The following OLFM3 variants were observed in gnomAD, a reference collection of about 807,000 sequenced individuals.
OLFM3 encodes the protein olfactomedin 3, also known as noelin-3.
In OLFM3, 20 loss-of-function variants were observed where a neutral mutation model predicts 48.6. The ratio of observed to expected loss-of-function variants is 0.41; its 90% CI spans 0.29 to 0.60. The LOEUF (loss-of-function observed/expected upper bound fraction) is 0.60, where lower values mean the gene tolerates loss of function less well. OLFM3 is among the 20% of genes least tolerant of loss of function. The pLI, the probability that OLFM3 is intolerant of heterozygous loss-of-function variation, is 0.28. For synonymous variants in OLFM3, 222 were observed against 198.1 expected, an observed-to-expected ratio of 1.12 and a Z score of -1.01; for missense variants, 437 against 544.3, an observed-to-expected ratio of 0.80 and a Z score of 1.96.
chr1:101,967,102 T>C (rs1342668177), intron 1 of OLFM3, among the ~76,000 whole-genome samples: 1 of 152,208 alleles, frequency 6.6e-6, no homozygotes, highest in East Asian at 1.9e-4. Context: ...CCTTCACCTT[T>C]TTATCTTTTA....
chr1:101,892,376 T>G (rs1365063280), intron 1 of OLFM3, among the ~76,000 whole-genome samples: 2 of 150,238 alleles, frequency 1.3e-5, no homozygotes, highest in African/African-American at 4.9e-5. Flanking sequence ...ATACAAAGAC[T>G]TCATCTATAG....
intron 1 of OLFM3, among the ~76,000 whole-genome samples, chr1:101,947,676 G>T (rs898260841): frequency 6.6e-6 from 1 of 152,060 alleles, no homozygotes; most frequent in African/African-American, 2.4e-5. Context: ...AGTGTTGCAG[G>T]TATAGAAATG....
chr1:101,862,986 GTAAT>G (rs1656714103), intron 1 of OLFM3, among the ~76,000 whole-genome samples: 1 of 143,636 alleles, frequency 7.0e-6, no homozygotes, highest in African/African-American at 2.6e-5. Flanking sequence ...TAAATCCTAT[GTAAT>G]TAGTTTTTTT....
chr1:101,980,691 C>T (rs1457610806), intron 1 of OLFM3, among the ~76,000 whole-genome samples: 1 of 152,108 alleles, frequency 6.6e-6, no homozygotes. Context: ...ACACAACCAC[C>T]TAGGGTAAAT....
At chr1:101,892,055 G>C (rs12082395) in intron 1 of OLFM3, among the ~76,000 whole-genome samples, 2,588 of 152,074 alleles carry the variant, frequency 0.017, 62 homozygotes, top group African/African-American at 0.06. Context: ...TATAAAGCTT[G>C]AAGTTCTTTA....
At position 101,970,589 on chromosome 1, in the gene OLFM3, G is replaced by A. The variant is rs542604906; in HGVS notation, c.69+26159C>T. On this transcript the variant is annotated intron_variant, in intron 1 of 5. Transcript: ENST00000370103. The stretch of plus-strand genomic sequence containing the variant: ...TACTTCCTGTCAGGCATTCTGCCAG[G>A]CTCTGGGGATACAGATAATGAAGAC... 7.2e-5 allele frequency among the ~76,000 whole-genome samples: 11 copies of A among 152,198 alleles called. No individual in the cohort carries two copies. In the South Asian group the frequency reaches 1.5e-3, roughly 20 times the overall value.
At chr1:101,860,350 A>G (rs1399621644) in intron 1 of OLFM3, among the ~76,000 whole-genome samples, 1 of 152,122 alleles carries the variant, frequency 6.6e-6, no homozygotes, top group Non-Finnish European at 1.5e-5. Flanking sequence ...TGTATTTGCA[A>G]CTGCGTGTTA....
intron 4 of OLFM3, among the ~76,000 whole-genome samples, chr1:101,821,786 A>G (rs1237569413): frequency 6.6e-6 from 1 of 152,292 alleles, no homozygotes; most frequent in African/African-American, 2.4e-5. Context: ...ATTAACTTAT[A>G]TAGCAACCAT....
intron 1 of OLFM3, among the ~76,000 whole-genome samples, chr1:101,940,090 G>A: frequency 6.6e-6 from 1 of 152,116 alleles, no homozygotes; most frequent in East Asian, 1.9e-4. Context: ...CAGTAGGAGT[G>A]TAATAGACAT....
At chr1:101,937,889 G>C (rs753730751) in intron 1 of OLFM3, among the ~76,000 whole-genome samples, 2 of 151,928 alleles carry the variant, frequency 1.3e-5, no homozygotes, top group Non-Finnish European at 2.9e-5. Context: ...ACATATTATA[G>C]ATTTTTCTTG....
chr1:101,865,611 G>A (rs1656828959), intron 1 of OLFM3, among the ~76,000 whole-genome samples: 1 of 152,176 alleles, frequency 6.6e-6, no homozygotes, highest in South Asian at 2.1e-4. Flanking sequence ...GCAGCGCTTT[G>A]TGCCAATGTA....
intron 3 of OLFM3, among the ~76,000 whole-genome samples, chr1:101,827,442 C>G (rs1053328593): frequency 6.6e-6 from 1 of 152,076 alleles, no homozygotes; most frequent in Non-Finnish European, 1.5e-5. Flanking sequence ...GCCTCAGCCT[C>G]TCGAGTGGCT....
At chr1:101,870,705 T>A (rs1334549434) in intron 1 of OLFM3, among the ~76,000 whole-genome samples, 1 of 151,990 alleles carries the variant, frequency 6.6e-6, no homozygotes, top group African/African-American at 2.4e-5. Flanking sequence ...TAGGAGATAA[T>A]GGGGGTCTTT....
intron 1 of OLFM3, among the ~76,000 whole-genome samples, chr1:101,919,076 A>G (rs1403930543): frequency 6.6e-6 from 1 of 152,190 alleles, no homozygotes; most frequent in African/African-American, 2.4e-5. Flanking sequence ...CTTTAATTTT[A>G]TTTGAAAAAT....
At chr1:101,853,290 T>C (rs1306310861) in intron 1 of OLFM3, among the ~76,000 whole-genome samples, 1 of 152,024 alleles carries the variant, frequency 6.6e-6, no homozygotes, top group Non-Finnish European at 1.5e-5. Context: ...GCCCTTCTCT[T>C]GTGGAAATTA....
intron 1 of OLFM3, among the ~76,000 whole-genome samples, chr1:101,981,810 A>G (rs1306855026): frequency 6.6e-6 from 1 of 152,172 alleles, no homozygotes; most frequent in Non-Finnish European, 1.5e-5. Context: ...CATGATTTGA[A>G]CTTTTGCCTC....
intron 1 of OLFM3, among the ~76,000 whole-genome samples, chr1:101,896,670 A>ATTTTTTT (rs3079210): frequency 4.7e-5 from 5 of 105,664 alleles, no homozygotes; most frequent in Non-Finnish European, 7.5e-5. Context: ...GATTTTTTGT[A>ATTTTTTT]TTTTTTTTTT....
chr1:101,874,490 T>TATAATAATA (rs71310157), intron 1 of OLFM3, among the ~76,000 whole-genome samples: 49 of 149,830 alleles, frequency 3.3e-4, no homozygotes, highest in Middle Eastern at 7.0e-3. Flanking sequence ...ATTCTAATAA[T>TATAATAATA]ATAATAATAA....
chr1:101,883,689 T>C (rs1657628061), intron 1 of OLFM3, among the ~76,000 whole-genome samples: 1 of 151,922 alleles, frequency 6.6e-6, no homozygotes, highest in African/African-American at 2.4e-5. Context: ...TTTGCCAGAA[T>C]AATATGAAAA....
Sources: gnomAD v4.1 joint callset for allele counts (sites outside exome capture counted in the v4.1 genomes callset) on GRCh38, gnomAD v4.1.1 for gene constraint, MANE v1.5 for transcripts, NCBI Gene and HGNC (gene_info 2026-07-23, HGNC 2026-07-21) for gene names.